The following CTNND1 variants were observed in gnomAD, a reference collection of about 807,000 sequenced individuals.
CTNND1 encodes catenin delta 1.
Under a neutral mutation model 112.1 loss-of-function variants are expected in CTNND1, and 16 were observed. That is an observed-to-expected ratio of 0.14 (90% CI 0.10 to 0.22). CTNND1 has a LOEUF of 0.22. CTNND1 is among the 10% of genes least tolerant of loss of function. CTNND1 has a pLI of 1.00. For missense variants in CTNND1, 1,008 were observed against 1,257.0 expected (o/e 0.80, Z 3.00); for synonymous variants, 420 against 446.5 (o/e 0.94, Z 0.75).
At position 57,803,616 on chromosome 11, in the gene CTNND1, TC is replaced by T. The variant is rs1420454229; in HGVS notation, c.1421-3del. 1.2e-6 allele frequency: 2 copies of T among 1,606,680 alleles called. No individual in the cohort carries two copies. Among genetic ancestry groups the T allele is most frequent in the South Asian group, 2.2e-5 (2 of 89,734 alleles). On this transcript the variant is annotated splice_polypyrimidine_tract_variant and splice_region_variant and intron_variant, in intron 7 of 20. Transcript: ENST00000399050. ...AAGAGCCATCTGATGAATTGTCTCT[TC>T]CAGGAACCCTGTGGAATCTTTCATC...
In CTNND1 at chr11:57,810,975, A is replaced by T. The variant is rs114562129; in HGVS notation, c.2551-424A>T. On this transcript the variant is annotated intron_variant, in intron 16 of 20. Coordinates refer to ENST00000399050, the MANE Select transcript of CTNND1 (RefSeq NM_001085458.2). ...CTGTCTCAAAAAAAAAAGAAAAAAA[A>T]AAAGATTTGGTTTACTCCTCAAAAG... 5.4e-3 allele frequency among the ~76,000 whole-genome samples: 815 copies of T among 152,150 alleles called. 9 individuals carry two copies. Among genetic ancestry groups the T allele is most frequent in the African/African-American group, 0.019 (781 of 41,514 alleles).
intron 1 of CTNND1, among the ~76,000 whole-genome samples, chr11:57,774,610 GC>G (rs1372939438): frequency 6.6e-6 from 1 of 152,190 alleles, no homozygotes; most frequent in Non-Finnish European, 1.5e-5. Flanking sequence ...TATAACCAGT[GC>G]CCTTTTAGCA....
At chr11:57,769,538 CT>C (rs1327928984) in intron 1 of CTNND1, among the ~76,000 whole-genome samples, 2 of 152,070 alleles carry the variant, frequency 1.3e-5, no homozygotes, top group African/African-American at 2.4e-5. Context: ...ACCAATTCTC[CT>C]GTATTTTCTC....
intron 8 of CTNND1, among the ~76,000 whole-genome samples, chr11:57,804,208 A>G (rs962846184): frequency 6.6e-6 from 1 of 152,216 alleles, no homozygotes; most frequent in African/African-American, 2.4e-5. Context: ...AGGTTAGGGC[A>G]TGGGTGAGGA....
At chr11:57,782,807 A>G (rs1188605885) in intron 1 of CTNND1, among the ~76,000 whole-genome samples, 1 of 152,236 alleles carries the variant, frequency 6.6e-6, no homozygotes, top group African/African-American at 2.4e-5. Context: ...GAAAGAGTGA[A>G]CACTAGGAGA....
intron 7 of CTNND1, among the ~76,000 whole-genome samples, chr11:57,803,119 T>G (rs1268932735): frequency 6.6e-6 from 1 of 152,172 alleles, no homozygotes; most frequent in Admixed American, 6.5e-5. Flanking sequence ...TTTTGTTTGT[T>G]TTTTTTGAGA....
In CTNND1 at chr11:57,807,622, A is replaced by G. The variant is rs1055160195; in HGVS notation, c.1964-543A>G. Among the ~76,000 whole-genome samples the G allele has an allele frequency of 1.1e-4, 17 of 151,242 alleles. 1 individual carries two copies. Among genetic ancestry groups the G allele is most frequent in the Admixed American group, 9.2e-4 (14 of 15,188 alleles). ...CTCCGTCTCAAAAAAAAAAAAAAAAAAAAAAAAAAGAAAAGATACTTTTTG... is the reference window on the plus strand; with the variant it reads ...CTCCGTCTCAAAAAAAAAAAAAAAAGAAAAAAAAAGAAAAGATACTTTTTG... On this transcript the variant is annotated intron_variant, in intron 12 of 20. Transcript: ENST00000399050.
At chr11:57,813,324 C>G (rs1230647644) in intron 17 of CTNND1, among the ~76,000 whole-genome samples, 1 of 151,940 alleles carries the variant, frequency 6.6e-6, no homozygotes, top group Non-Finnish European at 1.5e-5. Context: ...GACCCTGTCT[C>G]AAAAAATACA....
intron 1 of CTNND1, among the ~76,000 whole-genome samples, chr11:57,763,306 A>G (rs960966018): frequency 6.6e-6 from 1 of 152,136 alleles, no homozygotes; most frequent in Non-Finnish European, 1.5e-5. Context: ...AAAATTATAG[A>G]TGCTGTCCTA....
rs1214149136 is a variant in CTNND1, at chr11:57,784,846, AAGG to A, written c.-213-4185_-213-4183del. On this transcript the variant is annotated intron_variant, in intron 1 of 20. Transcript: ENST00000399050. Reference sequence around the variant, plus strand: ...ATTTTATAATGAATAAATAGGAAGAAAGGAGGAGAGCTGCCTTTGAGACTGGCT... The same window carrying A: ...ATTTTATAATGAATAAATAGGAAGAAAGGAGAGCTGCCTTTGAGACTGGCT... Among the ~76,000 whole-genome samples, 2 of 152,156 alleles carry A rather than the reference AAGG, an allele frequency of 1.3e-5. 1 individual carries two copies. The highest frequency in any genetic ancestry group is 3.9e-4 in the East Asian group (2 of 5,184).
intron 6 of CTNND1, among the ~76,000 whole-genome samples, chr11:57,800,613 A>G (rs2061911927): frequency 6.6e-6 from 1 of 152,190 alleles, no homozygotes; most frequent in Non-Finnish European, 1.5e-5. Context: ...GGTTTACTAA[A>G]TGCTTTGTCC....
At chr11:57,815,773 C>A in intron 19 of CTNND1, 142 bp from the exon 20 acceptor site, 1 of 780,710 alleles carries the variant, frequency 1.3e-6, no homozygotes, top group East Asian at 2.6e-5. Context: ...CTCTCCCTCC[C>A]TGTTTATGAA....
At chr11:57,775,705 C>G (rs1264605060) in intron 1 of CTNND1, among the ~76,000 whole-genome samples, 1 of 152,100 alleles carries the variant, frequency 6.6e-6, no homozygotes, top group South Asian at 2.1e-4. Flanking sequence ...TCCTTCCCTT[C>G]CTCCTTGGTT....
Position 57,791,451 on chromosome 11 carries a change from C to T in CTNND1, c.-28C>T. On this transcript the variant is annotated 5_prime_UTR_variant, in exon 3 of 21. Transcript: ENST00000399050. ...GTGATTCACCTTCCTTTTTACCCTG[C>T]CCTGCGGCGGCTCCGCCCCTTACCT... is the stretch of plus-strand genomic sequence containing the variant. 2 of 1,426,368 alleles carry T rather than the reference C, an allele frequency of 1.4e-6. No individual in the cohort carries two copies. Among genetic ancestry groups the T allele is most frequent in the Non-Finnish European group, 1.8e-6 (2 of 1,082,912 alleles). 88.4% of individuals were successfully genotyped at this position (1,426,368 alleles called of 1,614,324 possible).
intron 11 of CTNND1, 109 bp from the exon 12 acceptor site, chr11:57,806,806 T>C (rs2062728705): frequency 1.1e-6 from 1 of 918,136 alleles, no homozygotes; most frequent in South Asian, 1.5e-5. Context: ...CCCCTCGTGG[T>C]GCATCTGTGA....
chr11:57,809,001 G>C lies in CTNND1; in HGVS notation c.2243-273G>C, dbSNP rs544945516. ...TATAATATTCAAGATATTTTCATTA[G>C]AGTATCTGAAAGGACTGTGTAGCTT... On this transcript the variant is annotated intron_variant, in intron 14 of 20. Transcript: ENST00000399050. 3.9e-5 allele frequency among the ~76,000 whole-genome samples: 6 copies of C among 152,180 alleles called. No homozygotes were observed. The South Asian group carries it at 1.2e-3, about 32-fold the overall frequency.
chr11:57,810,593 A>G (rs1012686592), intron 16 of CTNND1, among the ~76,000 whole-genome samples: 6 of 151,954 alleles, frequency 3.9e-5, no homozygotes, highest in African/African-American at 1.2e-4. Flanking sequence ...CCAAAGTGCT[A>G]GGATTACAGG....
chr11:57,788,931 T>G lies in CTNND1; in HGVS notation c.-213-106T>G, dbSNP rs894915402. The G allele has an allele frequency of 3.6e-6, 3 of 837,632 alleles. No homozygotes were observed. The African/African-American group carries it at 5.1e-5, about 14-fold the overall frequency. 51.9% of individuals were successfully genotyped at this position (837,632 alleles called of 1,614,324 possible). A position where few individuals can be genotyped will look rare whatever the true frequency, so the allele number is the denominator to read the frequency against. Reference sequence around the variant, plus strand: ...AAGCAATTCCAAGTCATATTTTAAATTACTTCCTTTCATTCCTAATATTGC... The same window carrying G: ...AAGCAATTCCAAGTCATATTTTAAAGTACTTCCTTTCATTCCTAATATTGC... On this transcript the variant is annotated intron_variant, in intron 1 of 20. Coordinates refer to ENST00000399050, the MANE Select transcript of CTNND1 (RefSeq NM_001085458.2). This position sits in a 1 kb window ranked among gnomAD's most constrained non-coding sequence, Gnocchi z 4.1.
intron 15 of CTNND1, 24 bp from the exon 16 acceptor site, chr11:57,810,085 G>T (rs200956139): frequency 6.4e-7 from 1 of 1,552,524 alleles, no homozygotes; most frequent in Non-Finnish European, 8.8e-7. Context: ...TCCAAATTCC[G>T]TATGGTGTTA....
Sources: allele counts gnomAD v4.1 joint callset (sites outside exome capture counted in the v4.1 genomes callset), GRCh38; gene constraint gnomAD v4.1.1; non-coding constraint Gnocchi (gnomAD v3.1); transcripts MANE v1.5; gene names NCBI Gene and HGNC (gene_info 2026-07-23, HGNC 2026-07-21).